Variants in FARP1 observed in about 807,000 individuals in gnomAD.
FARP1 encodes the protein FERM, ARHGEF and pleckstrin domain-containing protein 1.
Under a neutral mutation model 128.8 loss-of-function variants are expected in FARP1, and 52 were observed. The observed-to-expected ratio is 0.40, with a 90% CI of 0.32 to 0.51. FARP1 has a LOEUF of 0.51. Among genes scored for constraint, FARP1 ranks in the 20% least tolerant of loss-of-function variants. The pLI, the probability that FARP1 is intolerant of heterozygous loss-of-function variation, is 0.45. For synonymous variants in FARP1, 580 were observed against 551.8 expected (o/e 1.05, Z -0.72); for missense variants, 1,333 against 1,367.9 (o/e 0.97, Z 0.40).
intron 2 of FARP1, among the ~76,000 whole-genome samples, chr13:98,248,511 T>C (rs1438139476): frequency 2.0e-5 from 3 of 152,176 alleles, no homozygotes; most frequent in African/African-American, 7.2e-5. Flanking sequence ...AGAAATACTT[T>C]TGGATATTAA....
intron 17 of FARP1, among the ~76,000 whole-genome samples, chr13:98,424,871 T>C (rs1486248436): frequency 6.8e-6 from 1 of 147,908 alleles, no homozygotes; most frequent in Non-Finnish European, 1.5e-5. Context: ...CATTATGAGA[T>C]TTTCTTTTTG....
intron 13 of FARP1, chr13:98,397,244 A>G (rs1296788992): frequency 6.6e-6 from 1 of 152,222 alleles, no homozygotes. Context: ...TCTCTTGGTG[A>G]AACTGAAATC....
In FARP1 at chr13:98,176,820, C is replaced by G; in HGVS notation, c.-24+33328C>G. On this transcript the variant is annotated intron_variant, in intron 1 of 26. Coordinates refer to ENST00000319562, the MANE Select transcript of FARP1 (RefSeq NM_005766.4). The surrounding 1 kb of genome is among the most constrained non-coding windows in gnomAD (Gnocchi z 6.2). ...GGTAGATGTGGTCGTGCTCCCGACC[C>G]CGCAGTGCCTCCTGGACCCGCTGGC... 6.2e-7 allele frequency: 1 copy of G among 1,612,728 alleles called. No homozygotes were observed.
In FARP1 at chr13:98,235,854, G is replaced by A. The variant is rs1335716158; in HGVS notation, c.171+22441G>A. 4.5e-5 allele frequency among the ~76,000 whole-genome samples: 6 copies of A among 134,364 alleles called. No individual in the cohort carries two copies. In the East Asian group the frequency reaches 8.5e-4, roughly 19 times the overall value. 88.1% of individuals were successfully genotyped at this position (134,364 alleles called of 152,430 possible). On this transcript the variant is annotated intron_variant, in intron 2 of 26. Transcript: ENST00000319562. The stretch of plus-strand genomic sequence containing the variant: ...TTTTTTTTCCCTGAGACAGAGTTTC[G>A]CTCTTGTTGCCCAGGCTGGAATGTA...
chr13:98,249,015 T>C (rs9584780), intron 2 of FARP1, among the ~76,000 whole-genome samples: 11,744 of 152,202 alleles, frequency 0.077, 1,077 homozygotes, highest in African/African-American at 0.22. Context: ...GTATATTAAG[T>C]AAAGTGTCTT....
chr13:98,302,237 ACT>A (rs994863579), intron 2 of FARP1, among the ~76,000 whole-genome samples: 1 of 152,080 alleles, frequency 6.6e-6, no homozygotes, highest in African/African-American at 2.4e-5. Context: ...CGTGGAATGA[ACT>A]CTCTTTCCAC....
chr13:98,349,575 G>A (rs902698801), intron 3 of FARP1, among the ~76,000 whole-genome samples: 2 of 150,320 alleles, frequency 1.3e-5, no homozygotes, highest in African/African-American at 4.9e-5. Context: ...AGAGGCTGTG[G>A]CAGGAGAATC....
chr13:98,333,727 A>G (rs1342292097), intron 2 of FARP1: 1 of 152,192 alleles, frequency 6.6e-6, no homozygotes, highest in African/African-American at 2.4e-5. Flanking sequence ...CCCTAGAGCC[A>G]CAGCAAGCAG....
chr13:98,179,698 G>GA (rs530007225), intron 1 of FARP1, among the ~76,000 whole-genome samples: 40 of 150,910 alleles, frequency 2.7e-4, no homozygotes, highest in Middle Eastern at 3.4e-3. Context: ...ACTAAAAATA[G>GA]AAAAAAAAAT....
rs1173514600 is a variant in FARP1, at chr13:98,375,505, A to G, written c.399-2316A>G. ...TCTGGCCAGGCAGGTTACACACTCA[A>G]TTCTTTGCCTTGGGTTACCAATTTT... On this transcript the variant is annotated intron_variant, in intron 5 of 26. Coordinates refer to ENST00000319562, the MANE Select transcript of FARP1 (RefSeq NM_005766.4). Among the ~76,000 whole-genome samples the G allele has an allele frequency of 2.0e-5, 3 of 152,160 alleles. No individual in the cohort carries two copies. In the East Asian group the frequency reaches 5.8e-4, roughly 29 times the overall value.
At chr13:98,200,387 A>ACCCCCCCCCCCCCCC (rs34861204) in intron 1 of FARP1, among the ~76,000 whole-genome samples, 17 of 127,532 alleles carry the variant, frequency 1.3e-4, no homozygotes, top group African/African-American at 5.2e-4. Flanking sequence ...TGCAACCTTC[A>ACCCCCCCCCCCCCCC]CCCCCCCCCC....
intron 5 of FARP1, among the ~76,000 whole-genome samples, chr13:98,373,533 G>GACACACACAC (rs58658962): frequency 0.024 from 3,112 of 130,976 alleles, 60 homozygotes; most frequent in Middle Eastern, 0.05. Flanking sequence ...CAGACAGACA[G>GACACACACAC]ACACACACAC....
In FARP1 at chr13:98,277,148, A is replaced by ACACACACACACACACACC. The variant is rs372627844; in HGVS notation, c.171+63736_171+63737insACACACACACACACACCC. On this transcript the variant is annotated intron_variant, in intron 2 of 26. Transcript: ENST00000319562. The stretch of plus-strand genomic sequence containing the variant: ...CACACACACACACACACACACACAC[A>ACACACACACACACACACC]CCCCATATGTATATATTAGAAGCAG... Among the ~76,000 whole-genome samples, 358 of 138,628 alleles carry ACACACACACACACACACC rather than the reference A, an allele frequency of 2.6e-3. 1 individual carries two copies. Among genetic ancestry groups the ACACACACACACACACACC allele is most frequent in the East Asian group, 0.011 (52 of 4,910 alleles). 90.9% of individuals were successfully genotyped at this position (138,628 alleles called of 152,430 possible). A position where few individuals can be genotyped will look rare whatever the true frequency, so the allele number is the denominator to read the frequency against.
chr13:98,424,853 T>C (rs750726193), intron 17 of FARP1, among the ~76,000 whole-genome samples: 6 of 151,702 alleles, frequency 4.0e-5, no homozygotes, highest in Non-Finnish European at 8.8e-5. Flanking sequence ...TCATAAACTT[T>C]CTTAAAACAT....
At chr13:98,308,521 C>G (rs1886295419) in intron 2 of FARP1, among the ~76,000 whole-genome samples, 1 of 152,198 alleles carries the variant, frequency 6.6e-6, no homozygotes, top group Non-Finnish European at 1.5e-5. Context: ...GCCACATGCA[C>G]TGGACGGCAC....
In FARP1 at chr13:98,453,161, GC is replaced by G; in HGVS notation, c.*4846del. The G allele has an allele frequency of 3.1e-6, 5 of 1,613,622 alleles. No homozygotes were observed. Among genetic ancestry groups the G allele is most frequent in the Non-Finnish European group, 4.2e-6 (5 of 1,179,814 alleles). On this transcript the variant is annotated 3_prime_UTR_variant, in exon 27 of 27. Transcript: ENST00000319562. ...AAAAAGGAAAAACAAAACCCCAAAT[GC>G]CAAAGGAATTTCAGTGGGATGAAGT...
chr13:98,265,533 A>G (rs1594337347), intron 2 of FARP1, among the ~76,000 whole-genome samples: 1 of 150,786 alleles, frequency 6.6e-6, no homozygotes, highest in East Asian at 2.0e-4. Flanking sequence ...TTTAGCCGGG[A>G]TGGTCTCGAT....
chr13:98,250,994 C>G (rs116010845), intron 2 of FARP1, among the ~76,000 whole-genome samples: 2 of 152,136 alleles, frequency 1.3e-5, no homozygotes, highest in African/African-American at 4.8e-5. Flanking sequence ...GTCCTAGGCT[C>G]GAGCACAGTG....
At chr13:98,309,617 A>T in intron 2 of FARP1, among the ~76,000 whole-genome samples, 1 of 152,346 alleles carries the variant, frequency 6.6e-6, no homozygotes, top group South Asian at 2.1e-4. Context: ...GGAGACTTCC[A>T]TGCTTAAAAA....
Sources: allele counts gnomAD v4.1 joint callset (sites outside exome capture counted in the v4.1 genomes callset), GRCh38; gene constraint gnomAD v4.1.1; non-coding constraint Gnocchi (gnomAD v3.1); transcripts MANE v1.5; gene names NCBI Gene and HGNC (gene_info 2026-07-23, HGNC 2026-07-21).